The following DMD variants were observed in gnomAD, a reference collection of about 807,000 sequenced individuals.
The protein encoded by DMD is dystrophin.
In DMD, 63 loss-of-function variants were observed where a neutral mutation model predicts 330.1. The observed-to-expected ratio is 0.19, with a 90% CI of 0.16 to 0.24. The LOEUF (loss-of-function observed/expected upper bound fraction) is 0.24. DMD is among the 10% of genes least tolerant of loss of function. The probability of loss-of-function intolerance (pLI) is 1.00; values close to 1 mark genes in which losing one functional copy is unlikely to be tolerated. For synonymous variants in DMD, 1,223 were observed against 959.8 expected (o/e 1.27, Z -5.07); for missense variants, 3,344 against 2,684.1 (o/e 1.25, Z -5.43).
chrX:32,721,913 C>G (rs2066360336), intron 7 of DMD, among the ~76,000 whole-genome samples: 1 of 107,624 alleles, frequency 9.3e-6, no homozygotes. Flanking sequence ...ATTGAAGAGA[C>G]TGTCCTTTCC....
At chrX:32,664,393 C>T (rs1235764113) in intron 9 of DMD, among the ~76,000 whole-genome samples, 1 of 109,783 alleles carries the variant, frequency 9.1e-6, no homozygotes, top group Non-Finnish European at 1.9e-5. Context: ...AGGCACCTGC[C>T]ACCACGGCCG....
chrX:33,303,686 G>T (rs764378187), intron 1 of DMD, among the ~76,000 whole-genome samples: 1 of 111,068 alleles, frequency 9.0e-6, no homozygotes, highest in East Asian at 2.9e-4. Context: ...GTTTTATAAG[G>T]GACTTCCCCC....
chrX:33,235,916 A>T (rs5928209), intron 1 of DMD, among the ~76,000 whole-genome samples: 45,920 of 86,861 alleles, frequency 0.53, 12,448 homozygotes, highest in Non-Finnish European at 0.73. Flanking sequence ...TATTATTATT[A>T]TTTTTTTTTT....
intron 51 of DMD, among the ~76,000 whole-genome samples, chrX:31,751,800 T>A (rs1353893105): frequency 2.7e-5 from 3 of 112,531 alleles, no homozygotes; most frequent in South Asian, 7.3e-4. Context: ...TTGTAACAAA[T>A]GATTACAGAC....
chrX:32,886,383 T>C (rs1276900443), intron 2 of DMD, among the ~76,000 whole-genome samples: 1 of 110,897 alleles, frequency 9.0e-6, no homozygotes, highest in Non-Finnish European at 1.9e-5. Context: ...AAAGACCCTT[T>C]AAAAAATGTT....
chrX:31,510,769 A>C (rs1218427385), intron 55 of DMD, among the ~76,000 whole-genome samples: 1 of 110,548 alleles, frequency 9.0e-6, no homozygotes, highest in East Asian at 2.8e-4. Context: ...TTGGCCTCCC[A>C]AAGTGCTTGG....
chrX:33,079,314 T>G (rs192613062), intron 1 of DMD, among the ~76,000 whole-genome samples: 38 of 111,632 alleles, frequency 3.4e-4, no homozygotes, highest in African/African-American at 1.2e-3. Context: ...GCCCGGCCTA[T>G]AAAACCATCT....
At chrX:32,103,619 T>C (rs2096550485) in intron 44 of DMD, among the ~76,000 whole-genome samples, 1 of 112,410 alleles carries the variant, frequency 8.9e-6, no homozygotes. Flanking sequence ...AGGCACACTA[T>C]TAATAAACAG....
At chrX:32,988,817 G>A (rs1195548382) in intron 2 of DMD, among the ~76,000 whole-genome samples, 1 of 111,411 alleles carries the variant, frequency 9.0e-6, no homozygotes, top group African/African-American at 3.3e-5. Flanking sequence ...TTACCTTTTT[G>A]TAATAAAATC....
At chrX:31,485,793 G>T (rs1328972653) in intron 57 of DMD, among the ~76,000 whole-genome samples, 2 of 112,050 alleles carry the variant, frequency 1.8e-5, no homozygotes, top group African/African-American at 6.5e-5. Context: ...AGCTTGCCTG[G>T]CGCTGAATTT....
chrX:31,538,072 C>T (rs182459108), intron 55 of DMD, among the ~76,000 whole-genome samples: 107 of 111,795 alleles, frequency 9.6e-4, no homozygotes, highest in African/African-American at 3.3e-3. Context: ...CTGCCGTTGT[C>T]GCGTCTAGCC....
rs186643854 is a variant in DMD at position 32,606,940 on chromosome X, T to C, written c.1482+7363A>G. ...TTATAAGAAGAAACTAAACAAAGGG[T>C]ACACACGGACATCTAGAGTGGAATA... On this transcript the variant is annotated intron_variant, in intron 12 of 78. Transcript: ENST00000357033. Among the ~76,000 whole-genome samples the C allele has an allele frequency of 1.7e-4, 19 of 108,995 alleles. No homozygotes were observed. The East Asian group carries it at 2.0e-3, about 12-fold the overall frequency. The allele number at this position is 108,995 out of a possible 115,157, so 94.6% of individuals were successfully genotyped here.
In DMD at chrX:32,644,116, A is replaced by G. The variant is rs780061758; in HGVS notation, c.1331+16T>C. On this transcript the variant is annotated intron_variant, in intron 11 of 78. Transcript: ENST00000357033. ...AACTTGTTAGTCTTCTTAATTAAAAACAAATAAGGACTTACTTGCTTTGTT... is the reference window on the plus strand; with the variant it reads ...AACTTGTTAGTCTTCTTAATTAAAAGCAAATAAGGACTTACTTGCTTTGTT... 1.7e-6 allele frequency: 2 copies of G among 1,185,327 alleles called. No individual in the cohort carries two copies. The highest frequency in any genetic ancestry group is 3.5e-5 in the African/African-American group (2 of 56,500).
At chrX:32,077,264 T>G (rs2096359715) in intron 44 of DMD, among the ~76,000 whole-genome samples, 1 of 110,924 alleles carries the variant, frequency 9.0e-6, no homozygotes, top group African/African-American at 3.3e-5. Context: ...TTCATCTAGC[T>G]GCACCTTTAT....
intron 1 of DMD, among the ~76,000 whole-genome samples, chrX:33,256,496 C>A (rs1209197840): frequency 9.1e-6 from 1 of 109,865 alleles, no homozygotes; most frequent in African/African-American, 3.3e-5. Flanking sequence ...CCTTCAAAAT[C>A]TTTTTATTCT....
At chrX:31,485,598 G>C (rs2068736374) in intron 57 of DMD, among the ~76,000 whole-genome samples, 1 of 111,584 alleles carries the variant, frequency 9.0e-6, no homozygotes, top group Non-Finnish European at 1.9e-5. Flanking sequence ...TGGAGGGGAT[G>C]AAAGGTGAGA....
intron 50 of DMD, among the ~76,000 whole-genome samples, chrX:31,783,382 G>A (rs953820456): frequency 3.6e-5 from 4 of 111,377 alleles, no homozygotes; most frequent in South Asian, 7.5e-4. Context: ...GGAGAGCTAC[G>A]TTTTCACCTT....
intron 51 of DMD, among the ~76,000 whole-genome samples, chrX:31,755,617 A>G (rs1307004595): frequency 9.0e-6 from 1 of 111,105 alleles, no homozygotes; most frequent in Non-Finnish European, 1.9e-5. Context: ...AATTCATAAC[A>G]CCACGTAAGC....
intron 1 of DMD, among the ~76,000 whole-genome samples, chrX:33,061,519 T>C (rs910846017): frequency 3.6e-5 from 4 of 111,656 alleles, no homozygotes; most frequent in Non-Finnish European, 7.5e-5. Flanking sequence ...GAGTACTTGA[T>C]ATTCAGATAT....
Sources: allele counts gnomAD v4.1 joint callset (sites outside exome capture counted in the v4.1 genomes callset), GRCh38; gene constraint gnomAD v4.1.1; transcripts MANE v1.5; gene names NCBI Gene and HGNC (gene_info 2026-07-23, HGNC 2026-07-21).